RALYL: variants seen among roughly 807,000 people sequenced by gnomAD.
RALYL encodes RALY RNA binding protein like.
RALYL carries 29 observed loss-of-function variants against 35.1 expected under a neutral mutation model. That is an observed-to-expected ratio of 0.83 (90% CI 0.61 to 1.13). RALYL has a LOEUF of 1.13. Among genes scored for constraint, RALYL ranks in the 50% most tolerant of loss-of-function variants. The probability of loss-of-function intolerance (pLI) is 0.00; values close to 1 mark genes in which losing one functional copy is unlikely to be tolerated. For missense variants in RALYL, 359 were observed against 360.4 expected (o/e 1.00, Z 0.03); for synonymous variants, 120 against 127.6 (o/e 0.94, Z 0.40).
At chr8:84,295,798 A>G (rs1419164394) in intron 1 of RALYL, among the ~76,000 whole-genome samples, 1 of 152,154 alleles carries the variant, frequency 6.6e-6, no homozygotes, top group Admixed American at 6.6e-5. Context: ...TTTGCACTGC[A>G]TTCTATTTCC....
At chr8:84,423,429 G>C (rs2045929675) in intron 1 of RALYL, among the ~76,000 whole-genome samples, 1 of 151,096 alleles carries the variant, frequency 6.6e-6, no homozygotes, top group East Asian at 1.9e-4. Context: ...CTTTTATTTT[G>C]AGCCTATGTG....
intron 1 of RALYL, among the ~76,000 whole-genome samples, chr8:84,193,078 T>C (rs1336916127): frequency 6.6e-6 from 1 of 152,096 alleles, no homozygotes; most frequent in African/African-American, 2.4e-5. Context: ...GAGAAAAAAA[T>C]ATGTTTATTG....
chr8:84,503,081 A>G (rs1486738657), intron 1 of RALYL, among the ~76,000 whole-genome samples: 1 of 152,116 alleles, frequency 6.6e-6, no homozygotes, highest in Non-Finnish European at 1.5e-5. Context: ...AAGTATTAAA[A>G]ATTCCAGAGC....
chr8:84,408,662 T>C (rs1025606591), intron 1 of RALYL, among the ~76,000 whole-genome samples: 1 of 152,192 alleles, frequency 6.6e-6, no homozygotes, highest in African/African-American at 2.4e-5. Flanking sequence ...GGTTCCTGAA[T>C]GATTGCATGG....
At chr8:84,563,492 A>G (rs1051223054) in intron 2 of RALYL, among the ~76,000 whole-genome samples, 6 of 151,830 alleles carry the variant, frequency 4.0e-5, no homozygotes, top group African/African-American at 1.4e-4. Context: ...TTAGAGTCTT[A>G]TCTTAGAAGA....
intron 2 of RALYL, among the ~76,000 whole-genome samples, chr8:84,588,808 A>T (rs1386766635): frequency 1.3e-5 from 2 of 152,212 alleles, no homozygotes; most frequent in Admixed American, 6.5e-5. Context: ...TGTAAATGCG[A>T]ATATTAAATG....
At chr8:84,514,266 G>A in intron 1 of RALYL, among the ~76,000 whole-genome samples, 1 of 152,102 alleles carries the variant, frequency 6.6e-6, no homozygotes, top group Admixed American at 6.6e-5. Flanking sequence ...TCATTGAAGA[G>A]TCATGAAAAC....
In RALYL at chr8:84,841,023, G is replaced by A. The variant is rs184522843; in HGVS notation, c.366-8957G>A. Among the ~76,000 whole-genome samples the A allele has an allele frequency of 3.2e-3, 488 of 152,262 alleles. 6 individuals carry two copies. Among genetic ancestry groups the A allele is most frequent in the African/African-American group, 0.011 (471 of 41,544 alleles). ...AGCCACTGCAAAAACATGTCAAATT[G>A]TAAAGACCATCGAGTCTAGGAAGAA... is the stretch of plus-strand genomic sequence containing the variant. On this transcript the variant is annotated intron_variant, in intron 4 of 8. Transcript: ENST00000521268.
intron 2 of RALYL, among the ~76,000 whole-genome samples, chr8:84,544,177 G>A (rs1192745474): frequency 6.6e-6 from 1 of 151,932 alleles, no homozygotes; most frequent in Non-Finnish European, 1.5e-5. Flanking sequence ...TAAATACACA[G>A]TTTTAATGTT....
intron 2 of RALYL, among the ~76,000 whole-genome samples, chr8:84,758,737 A>C (rs971072755): frequency 2.0e-5 from 3 of 152,204 alleles, no homozygotes; most frequent in African/African-American, 7.2e-5. Context: ...AGGAAGTGAC[A>C]TCCCATTTTC....
rs1253971750 is a variant in RALYL at position 84,710,139 on chromosome 8, C to T, written c.257-64440C>T. ...TATTCTCTTATCTCTATGCCTTTGC[C>T]TATTTATCTTCTTGTTGATAGATGG... On this transcript the variant is annotated intron_variant, in intron 2 of 8. Coordinates refer to ENST00000521268, the MANE Select transcript of RALYL (RefSeq NM_173848.7). Among the ~76,000 whole-genome samples, 3 of 152,096 alleles carry T rather than the reference C, an allele frequency of 2.0e-5. No individual in the cohort carries two copies. The East Asian group carries it at 5.8e-4, about 29-fold the overall frequency.
chr8:84,915,269 C>G (rs1563861280), intron 8 of RALYL, among the ~76,000 whole-genome samples: 1 of 151,922 alleles, frequency 6.6e-6, no homozygotes, highest in Non-Finnish European at 1.5e-5. Context: ...ATTAAGGGAG[C>G]CTTAGCTAGG....
chr8:84,631,392 G>A (rs888676851), intron 2 of RALYL, among the ~76,000 whole-genome samples: 15 of 151,866 alleles, frequency 9.9e-5, no homozygotes, highest in Admixed American at 9.2e-4. Flanking sequence ...AATTGAAGAA[G>A]TATTAATCTC....
rs78212440 is a variant in RALYL, at chr8:84,442,684, C to A, written c.-23-86615C>A. ...AACAGCAAAAGGAAGCTGTGAACTA[C>A]ATTTTTGGTTGCAAGCTTGGAGGCA... On this transcript the variant is annotated intron_variant, in intron 1 of 8. Transcript: ENST00000521268. 8.9e-3 allele frequency among the ~76,000 whole-genome samples: 1,349 copies of A among 152,220 alleles called. 12 individuals are homozygous for A. The highest frequency in any genetic ancestry group is 0.013 in the Non-Finnish European group (915 of 68,006).
At chr8:84,312,072 C>T (rs142001250) in intron 1 of RALYL, among the ~76,000 whole-genome samples, 126 of 152,250 alleles carry the variant, frequency 8.3e-4, no homozygotes, top group African/African-American at 2.9e-3. Context: ...AACTTGCAAT[C>T]ATGGTGGAAG....
chr8:84,287,723 T>A (rs1280134387), intron 1 of RALYL, among the ~76,000 whole-genome samples: 3 of 151,828 alleles, frequency 2.0e-5, no homozygotes, highest in Non-Finnish European at 4.4e-5. Flanking sequence ...TCAAAGAGAG[T>A]GTGTAAAATA....
chr8:84,251,916 A>G (rs1830271899), intron 1 of RALYL, among the ~76,000 whole-genome samples: 1 of 151,220 alleles, frequency 6.6e-6, no homozygotes, highest in East Asian at 1.9e-4. Flanking sequence ...TTCTCCTGGT[A>G]GTTCCATTTT....
At chr8:84,495,509 AAAGAAAT>A (rs1334151064) in intron 1 of RALYL, among the ~76,000 whole-genome samples, 1 of 152,120 alleles carries the variant, frequency 6.6e-6, no homozygotes, top group Admixed American at 6.6e-5. Flanking sequence ...ATGGATATTT[AAAGAAAT>A]ACACCTTGAA....
intron 1 of RALYL, among the ~76,000 whole-genome samples, chr8:84,230,924 C>CTTCCATGCTAT (rs1215768645): frequency 1.1e-4 from 16 of 152,334 alleles, no homozygotes; most frequent in Non-Finnish European, 5.9e-5. Context: ...ATGCTCTTGA[C>CTTCCATGCTAT]TTCCATGCTA....
Sources: allele counts gnomAD v4.1 joint callset (sites outside exome capture counted in the v4.1 genomes callset), GRCh38; gene constraint gnomAD v4.1.1; transcripts MANE v1.5; gene names NCBI Gene and HGNC (gene_info 2026-07-23, HGNC 2026-07-21).